The following MYLK variants were observed in gnomAD, a reference collection of about 807,000 sequenced individuals.
MYLK encodes the protein myosin light chain kinase, also known as myosin light chain kinase, smooth muscle.
Under a neutral mutation model 203.4 loss-of-function variants are expected in MYLK, and 106 were observed. The ratio of observed to expected loss-of-function variants is 0.52; its 90% confidence interval spans 0.45 to 0.61. The LOEUF (loss-of-function observed/expected upper bound fraction) is 0.61. MYLK is among the 20% of genes least tolerant of loss of function. The probability of loss-of-function intolerance (pLI) is 0.00; values close to 1 mark genes in which losing one functional copy is unlikely to be tolerated. For synonymous variants in MYLK, 867 were observed against 959.5 expected (o/e 0.90, Z 1.78); for missense variants, 2,072 against 2,442.3 (o/e 0.85, Z 3.20).
chr3:123,862,363 G>C (rs1484983111), intron 2 of MYLK, among the ~76,000 whole-genome samples: 1 of 152,144 alleles, frequency 6.6e-6, no homozygotes, highest in Non-Finnish European at 1.5e-5. Flanking sequence ...CACCATTATT[G>C]AGCTACTATT....
chr3:123,810,898 GAC>G (rs754576667), intron 3 of MYLK, among the ~76,000 whole-genome samples: 33 of 151,760 alleles, frequency 2.2e-4, no homozygotes, highest in African/African-American at 7.0e-4. Flanking sequence ...AACAGAGATC[GAC>G]ACACTTTTCT....
Position 123,816,468 on chromosome 3 carries a change from G to A in MYLK, c.-4+15080C>T, listed in dbSNP as rs9879094. On this transcript the variant is annotated intron_variant, in intron 3 of 33. Coordinates refer to ENST00000360304, the MANE Select transcript of MYLK (RefSeq NM_053025.4). ...TGCAGCTATAACCATAGCACCAATT[G>A]GGTGCTAAATGAACCAGCTATTAGG... Among the ~76,000 whole-genome samples, 986 of 152,290 alleles carry A rather than the reference G, an allele frequency of 6.5e-3. 13 individuals carry two copies. The highest frequency in any genetic ancestry group is 0.023 in the African/African-American group (950 of 41,554).
Position 123,664,087 on chromosome 3 carries a change from C to T in MYLK, c.3985+18G>A, listed in dbSNP as rs1042225159. ...TCCCCTTGCCCCAAGCTCCATGCCA[C>T]CCAGCCACCAGACTCACCCACGACA... On this transcript the variant is annotated intron_variant, in intron 23 of 33. Coordinates refer to ENST00000360304, the MANE Select transcript of MYLK (RefSeq NM_053025.4). 3.0e-5 allele frequency: 48 copies of T among 1,613,796 alleles called. No homozygotes were observed. Among genetic ancestry groups the T allele is most frequent in the Non-Finnish European group, 4.0e-5 (47 of 1,179,908 alleles).
intron 2 of MYLK, among the ~76,000 whole-genome samples, chr3:123,841,551 T>C (rs1027301430): frequency 2.0e-5 from 3 of 152,144 alleles, no homozygotes; most frequent in African/African-American, 7.2e-5. Context: ...ACTCATTTTC[T>C]GTCAGTTCCT....
chr3:123,793,821 A>G lies in MYLK; in HGVS notation c.21T>C (p.Val7=), dbSNP rs772489561. MGDVKL[V]ASSHISKTSL... ...AGGTTTTGGAAATGTGTGACGAGGCAACCAGCTTCACATCCCCCATGGTCT... is the reference window on the plus strand; with the variant it reads ...AGGTTTTGGAAATGTGTGACGAGGCGACCAGCTTCACATCCCCCATGGTCT... Residue 7 remains valine, a synonymous_variant, in exon 4 of 34, where the codon GTT becomes GTC. Transcript: ENST00000360304. 17 of 1,614,102 alleles carry G rather than the reference A, an allele frequency of 1.1e-5. No homozygotes were observed. Among genetic ancestry groups the G allele is most frequent in the Non-Finnish European group, 1.4e-5 (17 of 1,180,044 alleles).
At chr3:123,864,917 A>T (rs1280357562) in intron 2 of MYLK, among the ~76,000 whole-genome samples, 1 of 152,072 alleles carries the variant, frequency 6.6e-6, no homozygotes. Context: ...CATCTTTTAC[A>T]TTCTCTTTTT....
chr3:123,730,193 A>C (rs901071220), intron 11 of MYLK, among the ~76,000 whole-genome samples: 3 of 152,178 alleles, frequency 2.0e-5, no homozygotes, highest in African/African-American at 7.2e-5. Context: ...ATGCCACTGC[A>C]CTCTAGCCCC....
intron 11 of MYLK, among the ~76,000 whole-genome samples, chr3:123,730,512 T>C (rs1323463643): frequency 1.3e-5 from 2 of 152,156 alleles, no homozygotes; most frequent in Non-Finnish European, 2.9e-5. Context: ...GGACCTTAAG[T>C]GATGCGTGGA....
At chr3:123,751,706 T>C (rs562761848) in intron 5 of MYLK, among the ~76,000 whole-genome samples, 631 of 152,234 alleles carry the variant, frequency 4.1e-3, no homozygotes, top group Non-Finnish European at 6.9e-3. Context: ...TGGTGGGGGA[T>C]GGAGAAGACA....
At chr3:123,617,309 A>C (rs556582575) in intron 33 of MYLK, 1 of 152,356 alleles carries the variant, frequency 6.6e-6, no homozygotes, top group South Asian at 2.1e-4. Context: ...ACATTCAAAA[A>C]GGAAAAGAAA....
At position 123,648,832 on chromosome 3, in the gene MYLK, C is replaced by T; in HGVS notation, c.4415+139G>A. 1.3e-6 allele frequency: 1 copy of T among 771,878 alleles called. No individual in the cohort carries two copies. The highest frequency in any genetic ancestry group is 2.3e-6 in the Non-Finnish European group (1 of 444,058). The allele number at this position is 771,878 out of a possible 1,614,324, so 47.8% of individuals were successfully genotyped here. A position where few individuals can be genotyped will look rare whatever the true frequency, so the allele number is the denominator to read the frequency against. The stretch of plus-strand genomic sequence containing the variant: ...TGAGTGATGCTTTCGTGGGTCAGTC[C>T]TTTGGATCCTGCAGGACTCTCAGTC... On this transcript the variant is annotated intron_variant, in intron 26 of 33. Transcript: ENST00000360304. This position sits in a 1 kb window ranked among gnomAD's most constrained non-coding sequence, Gnocchi z 4.5.
chr3:123,703,317 G>A (rs1488945578), intron 16 of MYLK, among the ~76,000 whole-genome samples: 4 of 152,148 alleles, frequency 2.6e-5, no homozygotes, highest in Non-Finnish European at 5.9e-5. Context: ...CCCTCCTCCC[G>A]CCTGCTGGGC....
chr3:123,797,626 A>T (rs2065036249), intron 3 of MYLK, among the ~76,000 whole-genome samples: 1 of 152,126 alleles, frequency 6.6e-6, no homozygotes, highest in African/African-American at 2.4e-5. Context: ...GACAGGTATC[A>T]TGAGGATCAG....
At chr3:123,881,090 C>T (rs1652533002) in intron 1 of MYLK, among the ~76,000 whole-genome samples, 1 of 152,132 alleles carries the variant, frequency 6.6e-6, no homozygotes, top group Non-Finnish European at 1.5e-5. Context: ...AGGGGCGTGG[C>T]TTGTATGGGC....
chr3:123,752,157 G>A (rs2063214122), intron 5 of MYLK, among the ~76,000 whole-genome samples, 174 bp downstream of exon 5: 1 of 152,160 alleles, frequency 6.6e-6, no homozygotes, highest in Admixed American at 6.5e-5. Context: ...TGCCTCCCTT[G>A]TTCGCAGGGA....
chr3:123,854,886 T>C (rs1393323503), intron 2 of MYLK, among the ~76,000 whole-genome samples: 2 of 152,194 alleles, frequency 1.3e-5, no homozygotes, highest in Non-Finnish European at 2.9e-5. Flanking sequence ...TATAGTATTT[T>C]AGGGTCAACA....
chr3:123,659,746 G>A (rs962638368), intron 23 of MYLK: 2 of 511,954 alleles, frequency 3.9e-6, no homozygotes, highest in African/African-American at 1.9e-5. Flanking sequence ...CCTCCACGGC[G>A]ACACACTCAG....
chr3:123,686,102 G>T (rs1249493949), intron 19 of MYLK, among the ~76,000 whole-genome samples: 1 of 152,222 alleles, frequency 6.6e-6, no homozygotes, highest in Non-Finnish European at 1.5e-5. Flanking sequence ...TCACATGGCT[G>T]CCCAGGGGAT....
intron 2 of MYLK, among the ~76,000 whole-genome samples, chr3:123,859,879 TC>T (rs1324206865): frequency 6.6e-6 from 1 of 151,854 alleles, no homozygotes; most frequent in Non-Finnish European, 1.5e-5. Flanking sequence ...GCCAGTAATT[TC>T]CCCTTTAGGT....
Sources: gnomAD v4.1 joint callset for allele counts (sites outside exome capture counted in the v4.1 genomes callset) on GRCh38, gnomAD v4.1.1 for gene constraint, Gnocchi (gnomAD v3.1) non-coding constraint, MANE v1.5 for transcripts, NCBI Gene and HGNC (gene_info 2026-07-23, HGNC 2026-07-21) for gene names.